NCAM2: variants seen among roughly 807,000 people sequenced by gnomAD.
NCAM2 encodes the protein N-CAM-2.
A neutral mutation model predicts 98.1 loss-of-function variants in NCAM2; 30 were observed. The ratio of observed to expected loss-of-function variants is 0.31; its 90% confidence interval spans 0.23 to 0.41. The LOEUF (loss-of-function observed/expected upper bound fraction) is 0.41, where lower values mean the gene tolerates loss of function less well. Among genes scored for constraint, NCAM2 ranks in the 10% least tolerant of loss-of-function variants. NCAM2 has a pLI of 1.00. For missense variants in NCAM2, 867 were observed against 1,005.8 expected (o/e 0.86, Z 1.87); for synonymous variants, 368 against 342.4 (o/e 1.07, Z -0.83).
intron 9 of NCAM2, among the ~76,000 whole-genome samples, chr21:21,379,895 G>A (rs778917496): frequency 2.8e-4 from 42 of 152,014 alleles, no homozygotes; most frequent in Non-Finnish European, 5.4e-4. Flanking sequence ...GCAGCCTGAG[G>A]ACCAAGAAAC....
At chr21:21,484,518 G>T (rs894795317) in intron 15 of NCAM2, among the ~76,000 whole-genome samples, 3 of 152,040 alleles carry the variant, frequency 2.0e-5, no homozygotes, top group South Asian at 2.1e-4. Context: ...AATGCTGCTG[G>T]GTTTTCTTTC....
intron 12 of NCAM2, among the ~76,000 whole-genome samples, chr21:21,439,790 C>G (rs1978970729): frequency 1.3e-5 from 2 of 152,088 alleles, no homozygotes; most frequent in South Asian, 2.1e-4. Context: ...GTTTTTATAC[C>G]TATGATACAC....
chr21:21,191,582 C>T (rs2068825450), intron 1 of NCAM2, among the ~76,000 whole-genome samples: 1 of 152,130 alleles, frequency 6.6e-6, no homozygotes. Context: ...TAAGAGTTAT[C>T]AGATTTCTCT....
chr21:21,524,552 G>A (rs1281087406), intron 16 of NCAM2, among the ~76,000 whole-genome samples: 1 of 151,376 alleles, frequency 6.6e-6, no homozygotes, highest in Non-Finnish European at 1.5e-5. Context: ...GGGTGTGGGG[G>A]GAGAATACAA....
intron 1 of NCAM2, among the ~76,000 whole-genome samples, chr21:21,148,621 AGGCCTGAAG>A (rs1450095101): frequency 1.3e-5 from 2 of 152,178 alleles, no homozygotes; most frequent in African/African-American, 4.8e-5. Context: ...TAAGAATCCT[AGGCCTGAAG>A]CTTTTTTTGA....
At chr21:21,395,164 T>C (rs948330253) in intron 9 of NCAM2, among the ~76,000 whole-genome samples, 68 of 152,126 alleles carry the variant, frequency 4.5e-4, no homozygotes, top group African/African-American at 1.6e-3. Context: ...AAACCCCATC[T>C]CTATTAAGAA....
chr21:21,375,090 C>T (rs2076002211), intron 9 of NCAM2, among the ~76,000 whole-genome samples: 1 of 151,092 alleles, frequency 6.6e-6, no homozygotes, highest in Non-Finnish European at 1.5e-5. Flanking sequence ...GTGCAGCACA[C>T]CAGCATGGCA....
chr21:21,284,458 G>GA (rs1346445132), intron 3 of NCAM2, 58 bp downstream of exon 3: 8 of 1,303,014 alleles, frequency 6.1e-6, no homozygotes, highest in Non-Finnish European at 7.6e-6. Flanking sequence ...ATAAATAACC[G>GA]AAAAAATAAA....
chr21:21,181,621 A>G (rs532172169), intron 1 of NCAM2, among the ~76,000 whole-genome samples: 2 of 152,246 alleles, frequency 1.3e-5, no homozygotes, highest in South Asian at 4.1e-4. Flanking sequence ...TTCCTATCTT[A>G]GGGCCTTTAC....
chr21:21,013,257 A>T (rs9977851), intron 1 of NCAM2, among the ~76,000 whole-genome samples: 75,750 of 152,090 alleles, frequency 0.5, 19,362 homozygotes, highest in East Asian at 0.76. Context: ...GAAGGAAATT[A>T]AAAAAGCCAC....
intron 8 of NCAM2, among the ~76,000 whole-genome samples, chr21:21,367,000 G>A (rs980801533): frequency 6.6e-6 from 1 of 152,022 alleles, no homozygotes; most frequent in Non-Finnish European, 1.5e-5. Context: ...TGAGAGCAGT[G>A]TGGTTTAATA....
At chr21:21,097,945 T>G in intron 1 of NCAM2, among the ~76,000 whole-genome samples, 1 of 150,692 alleles carries the variant, frequency 6.6e-6, no homozygotes, top group African/African-American at 2.4e-5. Context: ...GAATCAAGAG[T>G]AAAAATGTGA....
At chr21:21,399,108 AATT>A (rs1333706660) in intron 9 of NCAM2, among the ~76,000 whole-genome samples, 1 of 152,170 alleles carries the variant, frequency 6.6e-6, no homozygotes, top group African/African-American at 2.4e-5. Flanking sequence ...GGGGTTGGAA[AATT>A]TTGTCTTTGG....
chr21:21,385,057 T>C (rs1203609859), intron 9 of NCAM2, among the ~76,000 whole-genome samples: 4 of 152,020 alleles, frequency 2.6e-5, no homozygotes, highest in African/African-American at 2.4e-5. Flanking sequence ...ATTTATTAAA[T>C]CTTAATTCCC....
chr21:21,075,984 G>A (rs559567245), intron 1 of NCAM2, among the ~76,000 whole-genome samples: 226 of 152,040 alleles, frequency 1.5e-3, no homozygotes, highest in Non-Finnish European at 2.5e-3. Context: ...AGGCATGGTG[G>A]CATCTGCCTG....
chr21:21,117,335 TTTAC>T (rs1024964078), intron 1 of NCAM2, among the ~76,000 whole-genome samples: 1 of 150,000 alleles, frequency 6.7e-6, no homozygotes, highest in African/African-American at 2.4e-5. Context: ...TGTGGAAAAC[TTTAC>T]AGTTTCCTAG....
At chr21:21,447,742 A>G (rs1252337636) in intron 12 of NCAM2, among the ~76,000 whole-genome samples, 1 of 152,188 alleles carries the variant, frequency 6.6e-6, no homozygotes, top group Non-Finnish European at 1.5e-5. Flanking sequence ...AAGAATATGA[A>G]CAGACACTTC....
At chr21:21,375,920 G>T (rs368402148) in intron 9 of NCAM2, among the ~76,000 whole-genome samples, 1 of 151,692 alleles carries the variant, frequency 6.6e-6, no homozygotes, top group Non-Finnish European at 1.5e-5. Context: ...TGTATCATAG[G>T]ATTAGTACTA....
At chr21:21,468,870 A>C in intron 14 of NCAM2, 87 bp downstream of exon 14, 1 of 1,180,858 alleles carries the variant, frequency 8.5e-7, no homozygotes, top group Non-Finnish European at 1.2e-6. Flanking sequence ...TCAGGAGAGA[A>C]TGTGTATTTA....
Sources: allele counts gnomAD v4.1 joint callset (sites outside exome capture counted in the v4.1 genomes callset), GRCh38; gene constraint gnomAD v4.1.1; transcripts MANE v1.5; gene names NCBI Gene and HGNC (gene_info 2026-07-23, HGNC 2026-07-21).